Variants in MUSK observed in about 807,000 individuals in gnomAD.
MUSK encodes muscle, skeletal receptor tyrosine-protein kinase.
MUSK carries 55 observed loss-of-function variants against 88.7 expected under a neutral mutation model. That is an observed-to-expected ratio of 0.62 (90% CI 0.50 to 0.78). The LOEUF (loss-of-function observed/expected upper bound fraction) is 0.78. Among genes scored for constraint, MUSK ranks in the 30% least tolerant of loss-of-function variants. MUSK has a pLI of 0.00. For missense variants in MUSK, 1,015 were observed against 1,074.3 expected, an observed-to-expected ratio of 0.94 and a Z score of 0.77; for synonymous variants, 387 against 391.9, an observed-to-expected ratio of 0.99 and a Z score of 0.15.
intron 7 of MUSK, among the ~76,000 whole-genome samples, chr9:110,758,004 T>G (rs931261815): frequency 2.6e-5 from 4 of 152,190 alleles, no homozygotes; most frequent in African/African-American, 9.7e-5. Context: ...TCTCTCTTCC[T>G]CCCAAGTTGG....
chr9:110,802,069 A>G lies in MUSK; in HGVS notation c.*1081A>G, dbSNP rs1393106481. On this transcript the variant is annotated 3_prime_UTR_variant, in exon 15 of 15. Coordinates refer to ENST00000374448, the MANE Select transcript of MUSK (RefSeq NM_005592.4). ...TATAATATGAGATTTCACAAGATAC[A>G]CTTGTGGCTCTGAGTTATTTCAAAA... Among the ~76,000 whole-genome samples the G allele has an allele frequency of 6.6e-6, 1 of 152,158 alleles. No homozygotes were observed. The highest frequency in any genetic ancestry group is 6.5e-5 in the Admixed American group (1 of 15,278).
chr9:110,692,264 A>G (rs1694111807), intron 3 of MUSK, among the ~76,000 whole-genome samples: 1 of 152,066 alleles, frequency 6.6e-6, no homozygotes, highest in Admixed American at 6.6e-5. Flanking sequence ...GGCTAAAGCA[A>G]TCCTCCTGCT....
intron 9 of MUSK, among the ~76,000 whole-genome samples, chr9:110,770,487 T>C (rs1564281000): frequency 6.8e-6 from 1 of 146,924 alleles, no homozygotes; most frequent in African/African-American, 2.5e-5. Context: ...ATTATAATTA[T>C]AGTTTATAAT....
intron 5 of MUSK, 37 bp from the exon 6 acceptor site, chr9:110,734,214 G>A (rs182925904): frequency 6.3e-7 from 1 of 1,585,010 alleles, no homozygotes; most frequent in Non-Finnish European, 8.6e-7. Context: ...ACCATTTCCT[G>A]CAGGAGCGTC....
chr9:110,759,925 G>T (rs1044567125), intron 7 of MUSK, among the ~76,000 whole-genome samples: 3 of 152,062 alleles, frequency 2.0e-5, no homozygotes, highest in African/African-American at 4.8e-5. Flanking sequence ...AATCCCAGCT[G>T]CTTGGGAGGC....
rs769267043 is a variant in MUSK at position 110,784,952 on chromosome 9, G to A, written c.1522G>A (p.Val508Met). 61 of 1,613,606 alleles carry A rather than the reference G, an allele frequency of 3.8e-5. No homozygotes were observed. Among genetic ancestry groups the A allele is most frequent in the Non-Finnish European group, 7.6e-6 (9 of 1,179,832 alleles). ...ISIMSSFAIF[V>M]LLTITTLYCC... The stretch of plus-strand genomic sequence containing the variant: ...CATCATGTCCAGCTTTGCAATATTT[G>A]TGCTTCTTACCATAACTACTCTCTA... Residue 508 changes from valine (V) to methionine (M), a missense_variant, in exon 12 of 15, where the codon GTG becomes ATG. Coordinates refer to ENST00000374448, the MANE Select transcript of MUSK (RefSeq NM_005592.4).
rs1378153491 is a variant in MUSK at position 110,805,607 on chromosome 9, ACTT to A, written c.*4622_*4624del. On this transcript the variant is annotated 3_prime_UTR_variant, in exon 15 of 15. Transcript: ENST00000374448. ...TACTTTTATCATGTTAAAAATATAGACTTCTATTTGTCTTTTATTGTAGGTTTT... is the reference window on the plus strand; with the variant it reads ...TACTTTTATCATGTTAAAAATATAGACTATTTGTCTTTTATTGTAGGTTTT... Among the ~76,000 whole-genome samples, 1 of 151,914 alleles carries A rather than the reference ACTT, an allele frequency of 6.6e-6. No homozygotes were observed. The highest frequency in any genetic ancestry group is 1.5e-5 in the Non-Finnish European group (1 of 67,828).
intron 8 of MUSK, among the ~76,000 whole-genome samples, chr9:110,763,748 G>T (rs538258788): frequency 6.6e-6 from 1 of 152,304 alleles, no homozygotes; most frequent in African/African-American, 2.4e-5. Flanking sequence ...GAGTCTTGGG[G>T]TTGTCATAAC....
chr9:110,754,245 C>A (rs1016070273), intron 7 of MUSK, among the ~76,000 whole-genome samples: 1 of 152,158 alleles, frequency 6.6e-6, no homozygotes, highest in African/African-American at 2.4e-5. Context: ...AGGTAAGCAT[C>A]CTTTTACAAT....
At chr9:110,682,251 G>T (rs1412819592) in intron 1 of MUSK, among the ~76,000 whole-genome samples, 1 of 151,960 alleles carries the variant, frequency 6.6e-6, no homozygotes, top group Non-Finnish European at 1.5e-5. Context: ...GGGGAAAATT[G>T]TTCTTAAAAA....
At chr9:110,693,213 C>A (rs1054361122) in intron 3 of MUSK, among the ~76,000 whole-genome samples, 1 of 152,140 alleles carries the variant, frequency 6.6e-6, no homozygotes, top group Non-Finnish European at 1.5e-5. Context: ...TTTGCATATT[C>A]TCTCTGGCCC....
intron 3 of MUSK, among the ~76,000 whole-genome samples, chr9:110,689,928 T>TATG (rs2076291693): frequency 3.2e-5 from 3 of 93,594 alleles, no homozygotes; most frequent in Non-Finnish European, 5.3e-5. Flanking sequence ...TATTTAAATA[T>TATG]AATATATAAA....
chr9:110,776,536 A>G (rs2077674049), intron 10 of MUSK, 96 bp from the exon 11 acceptor site: 2 of 974,734 alleles, frequency 2.1e-6, no homozygotes, highest in Non-Finnish European at 3.2e-6. Flanking sequence ...TAAAAAGCTG[A>G]GAGAGAACTT....
At chr9:110,751,340 A>G (rs2077244971) in intron 7 of MUSK, among the ~76,000 whole-genome samples, 1 of 152,216 alleles carries the variant, frequency 6.6e-6, no homozygotes, top group African/African-American at 2.4e-5. Flanking sequence ...CAGGCAGTAT[A>G]GGAAGGCCAT....
rs776201930 is a variant in MUSK at position 110,767,878 on chromosome 9, G to A, written c.979G>A (p.Ala327Thr). The A allele has an allele frequency of 1.1e-5, 18 of 1,613,878 alleles. No individual in the cohort carries two copies. In the African/African-American group the frequency reaches 2.3e-4, roughly 20 times the overall value. The change falls in exon 9 of 15, where the codon GCA becomes ACA. Residue 327 changes from alanine (A) to threonine (T), a missense_variant. Transcript: ENST00000374448. ...CAQYRGEVCN[A>T]VLAKDALVFL... ...CCAGTACAGAGGGGAGGTGTGTAAT[G>A]CAGTCCTGGCAAAAGATGCTCTTGT... is the stretch of plus-strand genomic sequence containing the variant.
intron 2 of MUSK, among the ~76,000 whole-genome samples, chr9:110,685,911 C>T (rs2076189867): frequency 6.6e-6 from 1 of 152,086 alleles, no homozygotes; most frequent in African/African-American, 2.4e-5. Context: ...AAGCCACATC[C>T]ACATGTTTAG....
At chr9:110,683,456 T>A (rs1479930666) in intron 2 of MUSK, among the ~76,000 whole-genome samples, 12 of 152,122 alleles carry the variant, frequency 7.9e-5, no homozygotes, top group Admixed American at 7.9e-4. Context: ...TATAGATATC[T>A]CTTTGATATA....
chr9:110,775,767 G>C, intron 9 of MUSK, 21 bp from the exon 10 acceptor site: 1 of 1,611,616 alleles, frequency 6.2e-7, no homozygotes, highest in South Asian at 1.1e-5. Context: ...ATCAAGTTTT[G>C]TTCTCCATAT....
chr9:110,669,678 G>C (rs991552762), intron 1 of MUSK, among the ~76,000 whole-genome samples: 35 of 152,302 alleles, frequency 2.3e-4, no homozygotes, highest in African/African-American at 8.4e-4. Context: ...GCAGTAGCAA[G>C]AATGTCCAGT....
Sources: gnomAD v4.1 joint callset for allele counts (sites outside exome capture counted in the v4.1 genomes callset) on GRCh38, gnomAD v4.1.1 for gene constraint, MANE v1.5 for transcripts, NCBI Gene and HGNC (gene_info 2026-07-23, HGNC 2026-07-21) for gene names.